Variants in STK38 observed in about 807,000 individuals in gnomAD.
The protein encoded by STK38 is serine/threonine-protein kinase 38.
In STK38, 26 loss-of-function variants were observed where a neutral mutation model predicts 59.0. That is an observed-to-expected ratio of 0.44 (90% CI 0.32 to 0.61). STK38 has a LOEUF of 0.61. Ranked by LOEUF, STK38 falls within the 20% of genes least tolerant of loss-of-function variation. STK38 has a pLI of 0.04. For missense variants in STK38, 433 were observed against 566.0 expected (o/e 0.76, Z 2.38); for synonymous variants, 175 against 176.6 (o/e 0.99, Z 0.07).
In STK38 at chr6:36,547,338, G is replaced by C. The variant is rs960731263; in HGVS notation, c.-154C>G. 1 of 152,498 alleles carries C rather than the reference G, an allele frequency of 6.6e-6. No individual in the cohort carries two copies. Among genetic ancestry groups the C allele is most frequent in the African/African-American group, 2.4e-5 (1 of 41,458 alleles). The allele number at this position is 152,498 out of a possible 1,614,324, so 9.4% of individuals were successfully genotyped here. Reference sequence around the variant, plus strand: ...GGGACGCGTGAGGGACTCTGAGACAGGGGGCAACAGGCGGTTACGGGTGAG... The same window carrying C: ...GGGACGCGTGAGGGACTCTGAGACACGGGGCAACAGGCGGTTACGGGTGAG... On this transcript the variant is annotated 5_prime_UTR_variant, in exon 1 of 14. Transcript: ENST00000229812.
intron 9 of STK38, among the ~76,000 whole-genome samples, chr6:36,505,664 G>C (rs1338947199): frequency 6.6e-6 from 1 of 152,104 alleles, no homozygotes; most frequent in East Asian, 1.9e-4. Flanking sequence ...GTGGGCAAAC[G>C]GAAGTGCTAC....
chr6:36,544,478 T>C (rs1366112376), intron 1 of STK38, among the ~76,000 whole-genome samples: 3 of 152,148 alleles, frequency 2.0e-5, no homozygotes, highest in South Asian at 2.1e-4. Flanking sequence ...AAAAACCAGA[T>C]GTAAAAACAT....
chr6:36,506,532 A>G (rs771812809), intron 9 of STK38, 51 bp downstream of exon 9: 1 of 1,561,688 alleles, frequency 6.4e-7, no homozygotes, highest in South Asian at 1.1e-5. Context: ...AATCTTTTGA[A>G]CTTATTCATA....
chr6:36,498,280 A>G, intron 11 of STK38, 83 bp downstream of exon 11: 1 of 1,521,274 alleles, frequency 6.6e-7, no homozygotes, highest in South Asian at 1.2e-5. Context: ...AAGCAGATTC[A>G]GGAGATAACA....
At chr6:36,537,240 A>C (rs1036725750) in intron 2 of STK38, among the ~76,000 whole-genome samples, 6 of 152,200 alleles carry the variant, frequency 3.9e-5, no homozygotes, top group Non-Finnish European at 7.3e-5. Context: ...ATATCCACCA[A>C]AATAACTAAA....
chr6:36,528,576 T>C (rs1203391497), intron 2 of STK38, among the ~76,000 whole-genome samples: 1 of 152,214 alleles, frequency 6.6e-6, no homozygotes, highest in Non-Finnish European at 1.5e-5. Context: ...TTGGGATACA[T>C]GTGCATCTAT....
rs540103294 is a variant in STK38 at position 36,524,715 on chromosome 6, G to A, written c.184-252C>T. ...TGGGAACTCTGACTAACCTACTTCA[G>A]CAATCCACTATCCTAACATTTTTGG... On this transcript the variant is annotated intron_variant, in intron 3 of 13. Coordinates refer to ENST00000229812, the MANE Select transcript of STK38 (RefSeq NM_007271.4). Among the ~76,000 whole-genome samples the A allele has an allele frequency of 1.1e-4, 16 of 152,248 alleles. No homozygotes were observed. The Middle Eastern group carries it at 0.01, about 97-fold the overall frequency.
chr6:36,535,133 G>C (rs74722647), intron 2 of STK38, among the ~76,000 whole-genome samples: 3 of 152,052 alleles, frequency 2.0e-5, no homozygotes, highest in Non-Finnish European at 4.4e-5. Context: ...AAACACTGTT[G>C]AGAAAAACTA....
chr6:36,509,172 T>C (rs541340282), intron 7 of STK38, among the ~76,000 whole-genome samples: 1 of 152,262 alleles, frequency 6.6e-6, no homozygotes, highest in African/African-American at 2.4e-5. Flanking sequence ...TCAGGAACAA[T>C]GAGGTATACG....
At chr6:36,544,553 T>TA (rs1278601820) in intron 1 of STK38, among the ~76,000 whole-genome samples, 2 of 152,190 alleles carry the variant, frequency 1.3e-5, no homozygotes, top group East Asian at 3.8e-4. Context: ...TGCATATATG[T>TA]AGTTACATTT....
intron 6 of STK38, among the ~76,000 whole-genome samples, chr6:36,517,437 C>A (rs1310390030): frequency 1.3e-5 from 2 of 151,860 alleles, no homozygotes; most frequent in East Asian, 3.8e-4. Flanking sequence ...AGGCAGAGCA[C>A]CCTAATTTAT....
chr6:36,525,607 C>G lies in STK38; in HGVS notation c.167G>C (p.Gly56Ala). The G allele has an allele frequency of 1.2e-6, 2 of 1,613,692 alleles. No individual in the cohort carries two copies. Among genetic ancestry groups the G allele is most frequent in the Non-Finnish European group, 1.7e-6 (2 of 1,179,732 alleles). Reference sequence around the variant, plus strand: ...ATTAATTACCTCCTCATCTTTTAGGCCTTCTTCTTCCATCACCTTTTCTAA... The same window carrying G: ...ATTAATTACCTCCTCATCTTTTAGGGCTTCTTCTTCCATCACCTTTTCTAA... ...KKLEKVMEEE[G>A]LKDEEKRLRR... Residue 56 changes from glycine (G) to alanine (A), a missense_variant, in exon 3 of 14, where the codon GGC (glycine) becomes GCC (alanine). By Grantham distance (60) the Gly-to-Ala change is moderately conservative. Transcript: ENST00000229812.
intron 6 of STK38, among the ~76,000 whole-genome samples, chr6:36,517,001 T>G (rs1777270541): frequency 6.6e-6 from 1 of 152,098 alleles, no homozygotes. Context: ...TTATTTTTTA[T>G]TAAATGTGTT....
intron 12 of STK38, 82 bp downstream of exon 12, chr6:36,497,698 G>A: frequency 1.8e-6 from 2 of 1,127,562 alleles, no homozygotes; most frequent in East Asian, 2.4e-5. Flanking sequence ...TACTTGGCTT[G>A]CCAATGATGG....
At chr6:36,521,108 C>T (rs964532982) in intron 5 of STK38, among the ~76,000 whole-genome samples, 4 of 152,188 alleles carry the variant, frequency 2.6e-5, no homozygotes, top group Non-Finnish European at 5.9e-5. Flanking sequence ...ATTTATTTTG[C>T]ATAAGGCACT....
chr6:36,529,011 C>G (rs1467330147), intron 2 of STK38, among the ~76,000 whole-genome samples: 1 of 151,256 alleles, frequency 6.6e-6, no homozygotes, highest in East Asian at 1.9e-4. Flanking sequence ...AGAAAGTATC[C>G]AGAAAAAAAA....
intron 2 of STK38, among the ~76,000 whole-genome samples, chr6:36,529,928 C>G (rs1777625984): frequency 6.6e-6 from 1 of 151,998 alleles, no homozygotes; most frequent in African/African-American, 2.4e-5. Flanking sequence ...ACACTGAAAA[C>G]CAGGAAAAAT....
At chr6:36,544,128 A>G (rs767762191) in intron 1 of STK38, among the ~76,000 whole-genome samples, 23 of 152,352 alleles carry the variant, frequency 1.5e-4, no homozygotes, top group Admixed American at 3.9e-4. Flanking sequence ...TAATTCCTTC[A>G]GAGCAGAGAT....
chr6:36,527,366 T>TACAC (rs60339207), intron 2 of STK38, among the ~76,000 whole-genome samples: 9 of 145,678 alleles, frequency 6.2e-5, no homozygotes, highest in South Asian at 4.3e-4. Context: ...TATATATTAG[T>TACAC]ACACACACAC....
Sources: allele counts gnomAD v4.1 joint callset (sites outside exome capture counted in the v4.1 genomes callset), GRCh38; gene constraint gnomAD v4.1.1; transcripts MANE v1.5; gene names NCBI Gene and HGNC (gene_info 2026-07-23, HGNC 2026-07-21).